The following LY75 variants were observed in gnomAD, a reference collection of about 807,000 sequenced individuals.
LY75 encodes C-type lectin domain family 13 member B.
In LY75, 185 loss-of-function variants were observed where a neutral mutation model predicts 231.7. The ratio of observed to expected loss-of-function variants is 0.80; its 90% confidence interval spans 0.71 to 0.90. The LOEUF (loss-of-function observed/expected upper bound fraction) is 0.90, where lower values mean the gene tolerates loss of function less well. Ranked by LOEUF, LY75 falls within the 40% of genes least tolerant of loss-of-function variation. The probability of loss-of-function intolerance (pLI) is 0.00; values close to 1 mark genes in which losing one functional copy is unlikely to be tolerated. For missense variants in LY75, 1,947 were observed against 2,050.2 expected, an observed-to-expected ratio of 0.95 and a Z score of 0.97; for synonymous variants, 668 against 689.0, an observed-to-expected ratio of 0.97 and a Z score of 0.48.
chr2:159,836,325 G>A (rs1159096321), intron 25 of LY75, among the ~76,000 whole-genome samples: 2 of 152,150 alleles, frequency 1.3e-5, no homozygotes, highest in Non-Finnish European at 2.9e-5. Flanking sequence ...CTCTTCAGGC[G>A]CTGTGGCTCT....
At chr2:159,836,689 G>T (rs143967027) in intron 25 of LY75, among the ~76,000 whole-genome samples, 123 of 152,288 alleles carry the variant, frequency 8.1e-4, no homozygotes, top group African/African-American at 2.7e-3. Context: ...AACACCACTC[G>T]CTGCTTCATT....
chr2:159,808,663 TAAC>T (rs1682861471), intron 32 of LY75, 92 bp from the exon 33 acceptor site: 2 of 1,495,014 alleles, frequency 1.3e-6, no homozygotes, highest in Non-Finnish European at 1.8e-6. Context: ...CATATATTAT[TAAC>T]AAGATCATTG....
intron 1 of LY75, chr2:159,903,195 G>A (rs1686131578): frequency 1.3e-5 from 2 of 152,168 alleles, no homozygotes; most frequent in Admixed American, 6.5e-5. Flanking sequence ...GGTGCTTTTT[G>A]CTTTGGGTCA....
chr2:159,841,992 G>A (rs1426118617), intron 24 of LY75, among the ~76,000 whole-genome samples: 2 of 151,872 alleles, frequency 1.3e-5, no homozygotes, highest in East Asian at 3.8e-4. Flanking sequence ...GAAATTTTAA[G>A]CCATATGATT....
At position 159,878,317 on chromosome 2, in the gene LY75, C is replaced by T. The variant is rs1207282284; in HGVS notation, c.1774+7G>A. On this transcript the variant is annotated splice_region_variant and intron_variant, in intron 11 of 34. Coordinates refer to ENST00000263636, the MANE Select transcript of LY75 (RefSeq NM_002349.4). Reference sequence around the variant, plus strand: ...TATACTACTACTTCAAAGATTAAGACACTCACCTGGCTCAAGAAAATTCCA... The same window carrying T: ...TATACTACTACTTCAAAGATTAAGATACTCACCTGGCTCAAGAAAATTCCA... 1.9e-6 allele frequency: 3 copies of T among 1,613,100 alleles called. No homozygotes were observed. The highest frequency in any genetic ancestry group is 3.3e-5 in the Admixed American group (2 of 59,900).
At chr2:159,883,294 G>GAA (rs535338960) in intron 6 of LY75, among the ~76,000 whole-genome samples, 6 of 136,576 alleles carry the variant, frequency 4.4e-5, no homozygotes, top group African/African-American at 1.7e-4. Flanking sequence ...AAAAAAAAAA[G>GAA]AAAAAAAAAT....
At chr2:159,845,901 C>T (rs553927898) in intron 23 of LY75, among the ~76,000 whole-genome samples, 14 of 151,416 alleles carry the variant, frequency 9.2e-5, no homozygotes, top group Admixed American at 3.9e-4. Context: ...CATATATATG[C>T]ATACACACAC....
intron 11 of LY75, among the ~76,000 whole-genome samples, chr2:159,876,612 T>C (rs11695795): frequency 0.87 from 132,421 of 151,990 alleles, 59,343 homozygotes; most frequent in East Asian, 1. Flanking sequence ...GCCTTTCTGG[T>C]CATAGAATGG....
At chr2:159,881,898 T>C (rs1685447157) in intron 7 of LY75, among the ~76,000 whole-genome samples, 1 of 152,150 alleles carries the variant, frequency 6.6e-6, no homozygotes, top group Non-Finnish European at 1.5e-5. Context: ...AATAATTCAG[T>C]TCCTCAGTTG....
chr2:159,857,403 T>C (rs938392729), intron 16 of LY75, among the ~76,000 whole-genome samples: 27 of 152,226 alleles, frequency 1.8e-4, no homozygotes, highest in African/African-American at 6.5e-4. Flanking sequence ...AAAAACCTTC[T>C]ATGGGTTTTC....
Position 159,835,618 on chromosome 2 carries a change from C to A in LY75, c.3535G>T (p.Gly1179Trp), listed in dbSNP as rs1426658236. 1.9e-6 allele frequency: 3 copies of A among 1,613,710 alleles called. No individual in the cohort carries two copies. Residue 1179 changes from glycine to tryptophan, a missense_variant, in exon 26 of 35, where the codon GGG (glycine) becomes TGG (tryptophan). By Grantham distance (184) the Gly-to-Trp change is radical. Coordinates refer to ENST00000263636, the MANE Select transcript of LY75 (RefSeq NM_002349.4). ...CAGCGACTAAAATGAAGACGTTTCC[C>A]ATCTGACCAACCAAAGTTGAGTTCA... ...DDELNFGWSD[G>W]KRLHFSRWAE...
Position 159,864,953 on chromosome 2 carries a change from C to T in LY75, c.2118-33G>A, listed in dbSNP as rs73000730. ...AAAAGCAAGTGTTAAAAATACAGGA[C>T]AATGCTTGGCAAAAATATTTAGCAC... On this transcript the variant is annotated intron_variant, in intron 13 of 34. Coordinates refer to ENST00000263636, the MANE Select transcript of LY75 (RefSeq NM_002349.4). 2,759 of 1,562,748 alleles carry T rather than the reference C, an allele frequency of 1.8e-3. 44 individuals are homozygous for T. In the African/African-American group the frequency reaches 0.034, roughly 19 times the overall value.
intron 28 of LY75, among the ~76,000 whole-genome samples, chr2:159,831,206 T>G (rs537852364): frequency 1.3e-5 from 2 of 152,150 alleles, no homozygotes; most frequent in African/African-American, 4.8e-5. Flanking sequence ...GTTCTCGTGA[T>G]AGTGAGTGAG....
In LY75 at chr2:159,815,491, C is replaced by A. The variant is rs1420282764; in HGVS notation, c.4463G>T (p.Cys1488Phe). 6.2e-7 allele frequency: 1 copy of A among 1,613,872 alleles called. No homozygotes were observed. The highest frequency in any genetic ancestry group is 2.2e-5 in the East Asian group (1 of 44,824). ...AGTTCCTTTTGGATCCAAGAGAACA[C>A]AATTTCCAGGAGATGTTTGGCCTTT... Reference protein sequence around the residue: ...PWKGQTSPGNCVLLDPKGTWK... With the variant: ...PWKGQTSPGNFVLLDPKGTWK... The change falls in exon 31 of 35, where the codon TGT becomes TTT. Residue 1488 changes from cysteine to phenylalanine, a missense_variant. By Grantham distance (205) the Cys-to-Phe change is radical. Transcript: ENST00000263636.
chr2:159,886,444 A>G lies in LY75; in HGVS notation c.889T>C (p.Leu297=). ...RGWEWSDHKP[L]NFLNWDPDRP... ...CCTGGATCCCAGTTGAGAAAGTTTA[A>G]TGGTTTGTGGTCTGACCATTCCCAG... Residue 297 remains leucine (L), a synonymous_variant, in exon 5 of 35, where the codon TTA becomes CTA. Coordinates refer to ENST00000263636, the MANE Select transcript of LY75 (RefSeq NM_002349.4). The G allele has an allele frequency of 6.2e-7, 1 of 1,609,918 alleles. No individual in the cohort carries two copies. Among genetic ancestry groups the G allele is most frequent in the South Asian group, 1.1e-5 (1 of 90,786 alleles).
At chr2:159,846,086 A>G (rs1173017243) in intron 23 of LY75, among the ~76,000 whole-genome samples, 1 of 151,778 alleles carries the variant, frequency 6.6e-6, no homozygotes, top group African/African-American at 2.4e-5. Flanking sequence ...CCAGGCCTAT[A>G]TTGTTTTTAA....
intron 23 of LY75, 142 bp downstream of exon 23, chr2:159,849,838 T>C: frequency 9.1e-7 from 1 of 1,100,548 alleles, no homozygotes; most frequent in Non-Finnish European, 1.3e-6. Context: ...ATCACTAACC[T>C]ACTTACTATC....
In LY75 at chr2:159,854,372, G is replaced by A. The variant is rs767915323; in HGVS notation, c.2583C>T (p.Asn861=). The change falls in exon 18 of 35, where the codon AAC becomes AAT. Residue 861 remains asparagine, a synonymous_variant. Transcript: ENST00000263636. The stretch of plus-strand genomic sequence containing the variant: ...TCTTTTAAATTACATTTGCTATTTT[G>A]TTTTTGATGGCTTTTAGTCCCACAA... ...TSFVGLKAIK[N]KIANISGDGQ... 7.0e-7 allele frequency: 1 copy of A among 1,432,616 alleles called. No homozygotes were observed. The highest frequency in any genetic ancestry group is 9.2e-7 in the Non-Finnish European group (1 of 1,081,394). The allele number at this position is 1,432,616 out of a possible 1,614,324, so 88.7% of individuals were successfully genotyped here. A position where few individuals can be genotyped will look rare whatever the true frequency, so the allele number is the denominator to read the frequency against.
intron 27 of LY75, 88 bp from the exon 28 acceptor site, chr2:159,831,874 T>C: frequency 9.9e-7 from 1 of 1,006,410 alleles, no homozygotes; most frequent in Non-Finnish European, 1.4e-6. Flanking sequence ...TAGTTCTCAG[T>C]TTAATATACT....
Sources: gnomAD v4.1 joint callset for allele counts (sites outside exome capture counted in the v4.1 genomes callset) on GRCh38, gnomAD v4.1.1 for gene constraint, MANE v1.5 for transcripts, NCBI Gene and HGNC (gene_info 2026-07-23, HGNC 2026-07-21) for gene names.